The following PXDNL variants were observed in gnomAD, a reference collection of about 807,000 sequenced individuals.
The protein encoded by PXDNL is probable oxidoreductase PXDNL.
In PXDNL, 145 loss-of-function variants were observed where a neutral mutation model predicts 150.8. The ratio of observed to expected loss-of-function variants is 0.96; its 90% CI spans 0.84 to 1.10. PXDNL has a LOEUF of 1.10. Ranked by LOEUF, PXDNL falls within the 50% of genes least tolerant of loss-of-function variation. PXDNL has a pLI of 0.00. For synonymous variants in PXDNL, 757 were observed against 725.7 expected, an observed-to-expected ratio of 1.04 and a Z score of -0.69; for missense variants, 2,087 against 1,873.9, an observed-to-expected ratio of 1.11 and a Z score of -2.10.
intron 1 of PXDNL, among the ~76,000 whole-genome samples, chr8:51,766,004 C>T (rs974704640): frequency 1.2e-4 from 19 of 152,032 alleles, no homozygotes; most frequent in African/African-American, 2.9e-4. Flanking sequence ...CCACCATGCC[C>T]GCCTAATTTT....
At chr8:51,750,890 G>A (rs565563126) in intron 1 of PXDNL, among the ~76,000 whole-genome samples, 1 of 152,190 alleles carries the variant, frequency 6.6e-6, no homozygotes, top group East Asian at 1.9e-4. Flanking sequence ...CATGGAGAAG[G>A]GGGGATGGTT....
chr8:51,791,868 G>A (rs931214840), intron 1 of PXDNL, among the ~76,000 whole-genome samples: 3 of 152,122 alleles, frequency 2.0e-5, no homozygotes, highest in Admixed American at 6.5e-5. Context: ...TCAGTACAAG[G>A]ACCTAGATGC....
At chr8:51,553,755 TATATATATATATATATAC>T (rs138162717) in intron 4 of PXDNL, among the ~76,000 whole-genome samples, 44,480 of 144,458 alleles carry the variant, frequency 0.31, 8,540 homozygotes, top group African/African-American at 0.53. Flanking sequence ...TATATATATA[TATATATATATATATATAC>T]ACACACTGAA....
chr8:51,589,554 A>G (rs1813395938), intron 3 of PXDNL, among the ~76,000 whole-genome samples: 1 of 152,206 alleles, frequency 6.6e-6, no homozygotes, highest in East Asian at 1.9e-4. Flanking sequence ...ACAGAAATGA[A>G]GAACAAGTTA....
At chr8:51,447,310 AC>A in intron 11 of PXDNL, 148 bp from the exon 12 acceptor site, 1 of 653,638 alleles carries the variant, frequency 1.5e-6, no homozygotes, top group Non-Finnish European at 2.4e-6. Context: ...TAGGATTGCA[AC>A]CCCAGAAACA....
At chr8:51,459,914 C>T (rs1810032440) in intron 8 of PXDNL, among the ~76,000 whole-genome samples, 1 of 151,982 alleles carries the variant, frequency 6.6e-6, no homozygotes, top group African/African-American at 2.4e-5. Flanking sequence ...AGCTAGATAC[C>T]AGAAATATTG....
chr8:51,381,071 G>A (rs370870552), intron 17 of PXDNL, among the ~76,000 whole-genome samples: 174 of 152,186 alleles, frequency 1.1e-3, no homozygotes, highest in African/African-American at 3.9e-3. Context: ...TATATGAGAT[G>A]TTGTCTTGTA....
chr8:51,655,953 C>G (rs1489899365), intron 1 of PXDNL, among the ~76,000 whole-genome samples: 1 of 152,174 alleles, frequency 6.6e-6, no homozygotes, highest in Non-Finnish European at 1.5e-5. Context: ...TTCCAGATCC[C>G]TGACACCAGA....
At chr8:51,454,650 G>A (rs1376898937) in intron 9 of PXDNL, among the ~76,000 whole-genome samples, 1 of 152,122 alleles carries the variant, frequency 6.6e-6, no homozygotes, top group Non-Finnish European at 1.5e-5. Context: ...TTTGGGGAAG[G>A]GGGATCAACC....
At chr8:51,636,164 A>G (rs1450824015) in intron 2 of PXDNL, among the ~76,000 whole-genome samples, 1 of 152,162 alleles carries the variant, frequency 6.6e-6, no homozygotes, top group Non-Finnish European at 1.5e-5. Flanking sequence ...TTTATAATCA[A>G]CAAAGAATAC....
chr8:51,438,204 T>A (rs13254540), intron 12 of PXDNL, among the ~76,000 whole-genome samples: 81,889 of 152,054 alleles, frequency 0.54, 26,097 homozygotes, highest in Non-Finnish European at 0.7. Flanking sequence ...TGCTCATGAA[T>A]GGGGAGAATC....
chr8:51,453,854 T>C, intron 9 of PXDNL, 69 bp from the exon 10 acceptor site: 2 of 1,526,198 alleles, frequency 1.3e-6, no homozygotes, highest in South Asian at 2.5e-5. Flanking sequence ...TATTCTGCAT[T>C]GTGGTTTTAA....
At chr8:51,611,859 G>A (rs896088440) in intron 2 of PXDNL, among the ~76,000 whole-genome samples, 4 of 152,188 alleles carry the variant, frequency 2.6e-5, no homozygotes, top group South Asian at 2.1e-4. Flanking sequence ...AACTGTCTGC[G>A]GAGTAGGAGG....
chr8:51,767,875 G>A (rs771751593), intron 1 of PXDNL, among the ~76,000 whole-genome samples: 38 of 152,192 alleles, frequency 2.5e-4, no homozygotes, highest in Non-Finnish European at 5.3e-4. Context: ...AGGATAACAC[G>A]TTACAGAGAT....
intron 2 of PXDNL, among the ~76,000 whole-genome samples, chr8:51,634,230 G>A (rs1330966859): frequency 6.6e-6 from 1 of 152,108 alleles, no homozygotes; most frequent in Non-Finnish European, 1.5e-5. Flanking sequence ...TTATTGAATA[G>A]GGAGTCTTTT....
At chr8:51,417,159 G>T (rs1236101126) in intron 14 of PXDNL, among the ~76,000 whole-genome samples, 1 of 152,058 alleles carries the variant, frequency 6.6e-6, no homozygotes, top group Non-Finnish European at 1.5e-5. Flanking sequence ...TTAAGGAATA[G>T]AACAATCAGA....
chr8:51,730,085 G>A lies in PXDNL; in HGVS notation c.165-75325C>T, dbSNP rs59606970. Among the ~76,000 whole-genome samples the A allele has an allele frequency of 3.6e-3, 547 of 152,246 alleles. 5 individuals carry two copies. The highest frequency in any genetic ancestry group is 0.012 in the African/African-American group (519 of 41,544). On this transcript the variant is annotated intron_variant, in intron 1 of 22. Coordinates refer to ENST00000356297, the MANE Select transcript of PXDNL (RefSeq NM_144651.5). ...TTACACGTCAGTCAAAACCCCTAGAGTGTACACCAAGAGTGAACCCAAGTG... is the reference window on the plus strand; with the variant it reads ...TTACACGTCAGTCAAAACCCCTAGAATGTACACCAAGAGTGAACCCAAGTG...
At chr8:51,555,936 C>T (rs1490525433) in intron 4 of PXDNL, among the ~76,000 whole-genome samples, 1 of 151,982 alleles carries the variant, frequency 6.6e-6, no homozygotes, top group Non-Finnish European at 1.5e-5. Context: ...GTATCAAATG[C>T]TAAAAAGTAC....
chr8:51,409,450 G>A lies in PXDNL; in HGVS notation c.2174C>T (p.Ala725Val), dbSNP rs375925669. The A allele has an allele frequency of 1.2e-6, 2 of 1,612,674 alleles. No homozygotes were observed. Among genetic ancestry groups the A allele is most frequent in the African/African-American group, 1.3e-5 (1 of 75,034 alleles). Residue 725 changes from alanine (A) to valine (V), a missense_variant, in exon 17 of 23, where the codon GCG becomes GTG. Ala to Val is a moderately conservative substitution (Grantham distance 64). Transcript: ENST00000356297. ...LPNCSNRCFH[A>V]KYRAHDGTCN... ...CGTGCCGTCGTGGGCGCGGTACTTC[G>A]CATGGAAACACCGGTTGGAGCAGTT... is the stretch of plus-strand genomic sequence containing the variant.
Sources: gnomAD v4.1 joint callset for allele counts (sites outside exome capture counted in the v4.1 genomes callset) on GRCh38, gnomAD v4.1.1 for gene constraint, MANE v1.5 for transcripts, NCBI Gene and HGNC (gene_info 2026-07-23, HGNC 2026-07-21) for gene names.